PRKN: variants seen among roughly 807,000 people sequenced by gnomAD.
The protein encoded by PRKN is E3 ubiquitin-protein ligase parkin.
PRKN carries 56 observed loss-of-function variants against 59.5 expected under a neutral mutation model. That is an observed-to-expected ratio of 0.94 (90% CI 0.76 to 1.18). The LOEUF (loss-of-function observed/expected upper bound fraction) is 1.18, where lower values mean the gene tolerates loss of function less well. PRKN is among the 50% of genes most tolerant of loss of function. The probability of loss-of-function intolerance (pLI) is 0.00; values close to 1 mark genes in which losing one functional copy is unlikely to be tolerated. For missense variants in PRKN, 657 were observed against 596.4 expected (o/e 1.10, Z -1.06); for synonymous variants, 250 against 222.1 (o/e 1.13, Z -1.12).
Position 161,488,678 on chromosome 6 carries a change from G to T in PRKN, c.1083+60176C>A, listed in dbSNP as rs558355000. On this transcript the variant is annotated intron_variant, in intron 9 of 11. Coordinates refer to ENST00000366898, the MANE Select transcript of PRKN (RefSeq NM_004562.3). The surrounding 1 kb of genome is among the most constrained non-coding windows in gnomAD (Gnocchi z 4.5). ...TTTTTAAAATTTTTTGTAGAGGTGG[G>T]GTCTCACTATGTTGCCCAGGCTGGT... is the stretch of plus-strand genomic sequence containing the variant. 3.3e-5 allele frequency among the ~76,000 whole-genome samples: 5 copies of T among 151,668 alleles called. No individual in the cohort carries two copies. Among genetic ancestry groups the T allele is most frequent in the African/African-American group, 1.2e-4 (5 of 41,326 alleles).
Position 161,429,261 on chromosome 6 carries a change from A to G in PRKN, c.1084-42384T>C, listed in dbSNP as rs547973006. Reference sequence around the variant, plus strand: ...GCAAATACTGATCAAGTGCTGAGACATGCTAGGTGCTGGGCTAGGTGTGGA... The same window carrying G: ...GCAAATACTGATCAAGTGCTGAGACGTGCTAGGTGCTGGGCTAGGTGTGGA... On this transcript the variant is annotated intron_variant, in intron 9 of 11. Coordinates refer to ENST00000366898, the MANE Select transcript of PRKN (RefSeq NM_004562.3). This position sits in a 1 kb window ranked among gnomAD's most constrained non-coding sequence, Gnocchi z 4.2. 6.6e-6 allele frequency among the ~76,000 whole-genome samples: 1 copy of G among 152,320 alleles called. No individual in the cohort carries two copies. The highest frequency in any genetic ancestry group is 2.1e-4 in the South Asian group (1 of 4,830).
At chr6:161,689,227 C>G (rs907993610) in intron 7 of PRKN, among the ~76,000 whole-genome samples, 1 of 114,364 alleles carries the variant, frequency 8.7e-6, no homozygotes, top group Non-Finnish European at 1.9e-5. Flanking sequence ...CACACACACA[C>G]ACACACAAAG....
intron 1 of PRKN, among the ~76,000 whole-genome samples, chr6:162,663,510 C>G (rs999052856): frequency 1.3e-5 from 2 of 151,954 alleles, no homozygotes; most frequent in Non-Finnish European, 2.9e-5. Context: ...CCAGAGGAAA[C>G]AATCACAAAA....
chr6:162,551,941 C>T (rs1465748729), intron 1 of PRKN, among the ~76,000 whole-genome samples: 2 of 152,058 alleles, frequency 1.3e-5, no homozygotes, highest in Non-Finnish European at 2.9e-5. Context: ...AAAGTGTTCA[C>T]TATAAAATAC....
chr6:161,644,263 A>G (rs1783845149), intron 7 of PRKN, among the ~76,000 whole-genome samples: 1 of 152,130 alleles, frequency 6.6e-6, no homozygotes, highest in Non-Finnish European at 1.5e-5. Context: ...TTAGGGATTC[A>G]CTCAGGTTAG....
intron 7 of PRKN, among the ~76,000 whole-genome samples, chr6:161,673,269 C>T (rs541962238): frequency 9.2e-5 from 14 of 152,242 alleles, no homozygotes; most frequent in African/African-American, 1.4e-4. Context: ...GATAAGTGTG[C>T]GGGGTGGGGG....
chr6:161,568,306 A>G (rs549845268), intron 8 of PRKN, among the ~76,000 whole-genome samples: 117 of 152,328 alleles, frequency 7.7e-4, no homozygotes, highest in African/African-American at 2.5e-3. Flanking sequence ...AAAATAAATA[A>G]CACTGGGCTG....
At chr6:161,655,028 A>AT (rs1784286157) in intron 7 of PRKN, among the ~76,000 whole-genome samples, 1 of 152,236 alleles carries the variant, frequency 6.6e-6, no homozygotes, top group African/African-American at 2.4e-5. Context: ...AGGTGTCAGC[A>AT]TGGGCCCAGT....
intron 7 of PRKN, among the ~76,000 whole-genome samples, chr6:161,693,467 T>C (rs995259265): frequency 2.0e-5 from 3 of 152,142 alleles, no homozygotes; most frequent in Non-Finnish European, 4.4e-5. Flanking sequence ...TATATTCAAT[T>C]CTCAGGAAAG....
chr6:162,607,530 G>A (rs1255558550), intron 1 of PRKN, among the ~76,000 whole-genome samples: 1 of 149,518 alleles, frequency 6.7e-6, no homozygotes, highest in Non-Finnish European at 1.5e-5. Flanking sequence ...AAGAGAGAGA[G>A]AAATTAAATG....
intron 4 of PRKN, among the ~76,000 whole-genome samples, chr6:162,072,002 T>C (rs1284935749): frequency 4.6e-5 from 7 of 152,214 alleles, no homozygotes; most frequent in Non-Finnish European, 1.0e-4. Context: ...CATTCATTGT[T>C]GCTAATTTTA....
chr6:161,794,726 C>T (rs1268803960), intron 6 of PRKN, among the ~76,000 whole-genome samples: 3 of 152,142 alleles, frequency 2.0e-5, no homozygotes, highest in African/African-American at 4.8e-5. Context: ...AGGCAAGACT[C>T]CTCCTCTTAG....
intron 4 of PRKN, among the ~76,000 whole-genome samples, chr6:162,070,770 G>A (rs1038395694): frequency 2.6e-5 from 4 of 152,166 alleles, no homozygotes; most frequent in African/African-American, 7.2e-5. Context: ...CTTGCTCCTA[G>A]GAGAATCTCA....
chr6:162,141,008 T>C (rs1250327631), intron 4 of PRKN, among the ~76,000 whole-genome samples: 4 of 151,940 alleles, frequency 2.6e-5, no homozygotes, highest in Admixed American at 1.3e-4. Flanking sequence ...CGGGCGCTTA[T>C]AGTCCCAGCT....
intron 9 of PRKN, among the ~76,000 whole-genome samples, chr6:161,398,499 C>CCCTGTTCTAGCT (rs1369923076): frequency 6.6e-6 from 1 of 152,126 alleles, no homozygotes; most frequent in East Asian, 1.9e-4. Flanking sequence ...CTTGTATGCA[C>CCCTGTTCTAGCT]CATTTAGAGA....
rs111508676 is a variant in PRKN at position 162,272,113 on chromosome 6, C to A, written c.172-9348G>T. ...TACACCAGAGGGGCTCCATAGGGGG[C>A]GGGAGGGGGGACCGCTCAGGAATCA... On this transcript the variant is annotated intron_variant, in intron 2 of 11. Transcript: ENST00000366898. Among the ~76,000 whole-genome samples, 4 of 148,940 alleles carry A rather than the reference C, an allele frequency of 2.7e-5. No individual in the cohort carries two copies. In the East Asian group the frequency reaches 8.5e-4, roughly 32 times the overall value.
In PRKN at chr6:161,446,692, C is replaced by T. The variant is rs894734406; in HGVS notation, c.1084-59815G>A. Among the ~76,000 whole-genome samples, 8 of 152,148 alleles carry T rather than the reference C, an allele frequency of 5.3e-5. No homozygotes were observed. The highest frequency in any genetic ancestry group is 1.7e-4 in the African/African-American group (7 of 41,422). The stretch of plus-strand genomic sequence containing the variant: ...CCCTTTCTATCAAATTAAAGCTCTG[C>T]ACAAACGAAACAATTCATCCTCATC... On this transcript the variant is annotated intron_variant, in intron 9 of 11. Coordinates refer to ENST00000366898, the MANE Select transcript of PRKN (RefSeq NM_004562.3). The surrounding 1 kb of genome is among the most constrained non-coding windows in gnomAD (Gnocchi z 6.2).
chr6:162,075,470 T>G (rs1778784105), intron 4 of PRKN, among the ~76,000 whole-genome samples: 1 of 152,160 alleles, frequency 6.6e-6, no homozygotes, highest in African/African-American at 2.4e-5. Context: ...CCTGCATTTA[T>G]TTTTAAGAAA....
intron 6 of PRKN, among the ~76,000 whole-genome samples, chr6:161,841,158 C>A (rs1388496817): frequency 6.6e-6 from 1 of 152,150 alleles, no homozygotes; most frequent in Non-Finnish European, 1.5e-5. Context: ...GCCATGGAAT[C>A]AATTTTTCTT....
Sources: allele counts gnomAD v4.1 joint callset (sites outside exome capture counted in the v4.1 genomes callset), GRCh38; gene constraint gnomAD v4.1.1; non-coding constraint Gnocchi (gnomAD v3.1); transcripts MANE v1.5; gene names NCBI Gene and HGNC (gene_info 2026-07-23, HGNC 2026-07-21).